Variants in ROBO1 observed in about 807,000 individuals in gnomAD.
ROBO1 encodes roundabout homolog 1.
A neutral mutation model predicts 195.9 loss-of-function variants in ROBO1; 149 were observed. That is an observed-to-expected ratio of 0.76 (90% CI 0.67 to 0.87). The LOEUF (loss-of-function observed/expected upper bound fraction) is 0.87. ROBO1 is among the 40% of genes least tolerant of loss of function. The probability of loss-of-function intolerance (pLI) is 0.00; values close to 1 mark genes in which losing one functional copy is unlikely to be tolerated. For synonymous variants in ROBO1, 816 were observed against 733.2 expected, an observed-to-expected ratio of 1.11 and a Z score of -1.82; for missense variants, 1,933 against 2,068.3, an observed-to-expected ratio of 0.93 and a Z score of 1.27.
chr3:78,768,725 T>C (rs1258579051), intron 4 of ROBO1, among the ~76,000 whole-genome samples: 1 of 152,022 alleles, frequency 6.6e-6, no homozygotes, highest in Non-Finnish European at 1.5e-5. Flanking sequence ...TATGTATACA[T>C]GTGCCATGCT....
At chr3:78,646,308 A>G (rs1007019103) in intron 20 of ROBO1, 118 bp from the exon 21 acceptor site, 2 of 798,818 alleles carry the variant, frequency 2.5e-6, no homozygotes, top group East Asian at 2.7e-5. Context: ...AGACAGAAGC[A>G]TTGCAAAAAT....
chr3:79,305,658 A>G (rs1443904718), intron 2 of ROBO1, among the ~76,000 whole-genome samples: 1 of 152,102 alleles, frequency 6.6e-6, no homozygotes, highest in Admixed American at 6.6e-5. Context: ...TGATATGTAC[A>G]ATTTCATGAA....
chr3:79,472,525 G>C (rs959062888), intron 2 of ROBO1, among the ~76,000 whole-genome samples: 3 of 152,098 alleles, frequency 2.0e-5, no homozygotes, highest in Non-Finnish European at 4.4e-5. Context: ...AGGACTTCAG[G>C]TATTGATGAG....
chr3:78,876,861 A>C (rs1254267758), intron 4 of ROBO1, among the ~76,000 whole-genome samples: 1 of 152,150 alleles, frequency 6.6e-6, no homozygotes, highest in East Asian at 1.9e-4. Flanking sequence ...GTGTATCTTT[A>C]AAATTCCACT....
At chr3:79,465,779 A>G (rs1937924931) in intron 2 of ROBO1, among the ~76,000 whole-genome samples, 1 of 152,158 alleles carries the variant, frequency 6.6e-6, no homozygotes, top group African/African-American at 2.4e-5. Flanking sequence ...AAATTTTCTT[A>G]CATGAGCAGG....
intron 3 of ROBO1, among the ~76,000 whole-genome samples, chr3:79,124,117 C>T: frequency 6.6e-6 from 1 of 152,036 alleles, no homozygotes; most frequent in African/African-American, 2.4e-5. Context: ...ATATGAACTT[C>T]TTTGGTATTG....
chr3:79,603,792 A>C (rs943304301), intron 1 of ROBO1, among the ~76,000 whole-genome samples: 1 of 152,042 alleles, frequency 6.6e-6, no homozygotes, highest in Non-Finnish European at 1.5e-5. Flanking sequence ...TATGTCAATG[A>C]ATAAGATGTA....
chr3:79,424,093 C>T (rs1276524797), intron 2 of ROBO1, among the ~76,000 whole-genome samples: 3 of 151,998 alleles, frequency 2.0e-5, no homozygotes, highest in South Asian at 4.1e-4. Flanking sequence ...CAACATTTCT[C>T]GTAGCTAGAT....
intron 3 of ROBO1, among the ~76,000 whole-genome samples, chr3:79,036,676 TGAC>T (rs2078385984): frequency 6.6e-6 from 1 of 152,148 alleles, no homozygotes; most frequent in East Asian, 1.9e-4. Context: ...AAAGAGATAT[TGAC>T]TGGGAGTTTT....
rs1399143651 is a variant in ROBO1, at chr3:79,492,989, CTAATT to C, written c.88+96830_88+96834del. Among the ~76,000 whole-genome samples, 4 of 151,874 alleles carry C rather than the reference CTAATT, an allele frequency of 2.6e-5. No individual in the cohort carries two copies. The South Asian group carries it at 6.2e-4, about 24-fold the overall frequency. ...ATTACTTTTATTAACTGAATACAAT[CTAATT>C]TAAGATTCTTAAACTATAAAAGAGA... On this transcript the variant is annotated intron_variant, in intron 2 of 30. Coordinates refer to ENST00000464233, the MANE Select transcript of ROBO1 (RefSeq NM_002941.4).
At chr3:79,355,187 CA>C (rs750719790) in intron 2 of ROBO1, among the ~76,000 whole-genome samples, 6 of 145,932 alleles carry the variant, frequency 4.1e-5, no homozygotes, top group African/African-American at 1.0e-4. Flanking sequence ...AACAAACAAA[CA>C]AAAAAAAAAC....
chr3:78,633,536 C>T (rs1480582736), intron 24 of ROBO1, among the ~76,000 whole-genome samples: 3 of 152,168 alleles, frequency 2.0e-5, no homozygotes, highest in Non-Finnish European at 4.4e-5. Context: ...TGATTCTGCT[C>T]AAGTGTCCTC....
At chr3:78,991,475 C>G (rs1254065096) in intron 3 of ROBO1, among the ~76,000 whole-genome samples, 1 of 152,158 alleles carries the variant, frequency 6.6e-6, no homozygotes, top group African/African-American at 2.4e-5. Context: ...TCATCCCCTC[C>G]CCAAATGCAG....
chr3:79,040,712 A>T (rs1416499599), intron 3 of ROBO1, among the ~76,000 whole-genome samples: 1 of 152,130 alleles, frequency 6.6e-6, no homozygotes, highest in African/African-American at 2.4e-5. Flanking sequence ...ACACCCTAAA[A>T]CTACACTAGA....
chr3:78,924,283 A>T (rs1033156854), intron 4 of ROBO1, among the ~76,000 whole-genome samples: 5 of 152,114 alleles, frequency 3.3e-5, no homozygotes, highest in Non-Finnish European at 5.9e-5. Flanking sequence ...ACGTACAATT[A>T]TATCTAATCA....
chr3:79,672,540 A>G (rs992594181), intron 1 of ROBO1, among the ~76,000 whole-genome samples: 1 of 151,980 alleles, frequency 6.6e-6, no homozygotes, highest in African/African-American at 2.4e-5. Context: ...CAGGATAAAT[A>G]TCAGATCAGA....
chr3:79,652,039 A>G (rs1213186786), intron 1 of ROBO1, among the ~76,000 whole-genome samples: 1 of 152,170 alleles, frequency 6.6e-6, no homozygotes, highest in Non-Finnish European at 1.5e-5. Flanking sequence ...AAAGTTATAC[A>G]TGTCAGTGGA....
intron 4 of ROBO1, among the ~76,000 whole-genome samples, chr3:78,823,636 C>G (rs554224597): frequency 1.3e-5 from 2 of 152,306 alleles, no homozygotes; most frequent in South Asian, 4.1e-4. Flanking sequence ...CAGCTCACAT[C>G]ACTTTTACCT....
chr3:79,460,811 G>A (rs1247313269), intron 2 of ROBO1, among the ~76,000 whole-genome samples: 1 of 151,730 alleles, frequency 6.6e-6, no homozygotes, highest in Non-Finnish European at 1.5e-5. Flanking sequence ...GCAGTGGCGC[G>A]ATCTCAGCTC....
Sources: allele counts gnomAD v4.1 joint callset (sites outside exome capture counted in the v4.1 genomes callset), GRCh38; gene constraint gnomAD v4.1.1; transcripts MANE v1.5; gene names NCBI Gene and HGNC (gene_info 2026-07-23, HGNC 2026-07-21).